Variants in FSTL4 observed in about 807,000 individuals in gnomAD.
FSTL4 encodes follistatin-related protein 4.
FSTL4 carries 28 observed loss-of-function variants against 78.2 expected under a neutral mutation model. That is an observed-to-expected ratio of 0.36 (90% CI 0.27 to 0.49). The LOEUF (loss-of-function observed/expected upper bound fraction) is 0.49. Ranked by LOEUF, FSTL4 falls within the 20% of genes least tolerant of loss-of-function variation. The pLI is 0.98. For synonymous variants in FSTL4, 422 were observed against 440.5 expected (o/e 0.96, Z 0.53); for missense variants, 922 against 1,084.9 (o/e 0.85, Z 2.11).
chr5:133,515,075 G>A (rs1044252664), intron 3 of FSTL4, among the ~76,000 whole-genome samples: 8 of 152,060 alleles, frequency 5.3e-5, no homozygotes, highest in Non-Finnish European at 7.4e-5. Context: ...AAGAATCCCC[G>A]ATAAGCCATG....
chr5:133,569,211 A>T (rs1199559839), intron 2 of FSTL4, among the ~76,000 whole-genome samples: 1 of 152,174 alleles, frequency 6.6e-6, no homozygotes, highest in African/African-American at 2.4e-5. Flanking sequence ...ATTTGCAAAC[A>T]GCAATTATCT....
chr5:133,379,767 T>C (rs1359484374), intron 4 of FSTL4, among the ~76,000 whole-genome samples: 1 of 152,194 alleles, frequency 6.6e-6, no homozygotes, highest in Non-Finnish European at 1.5e-5. Context: ...AACTTGTAGC[T>C]ATTAATGCTT....
At chr5:133,488,498 C>T (rs1160676054) in intron 3 of FSTL4, among the ~76,000 whole-genome samples, 4 of 152,184 alleles carry the variant, frequency 2.6e-5, no homozygotes, top group African/African-American at 9.7e-5. Flanking sequence ...AAGTGATCTG[C>T]CCACCGCGGC....
chr5:133,367,549 G>A (rs919459328), intron 4 of FSTL4, among the ~76,000 whole-genome samples: 3 of 152,202 alleles, frequency 2.0e-5, no homozygotes, highest in Non-Finnish European at 4.4e-5. Context: ...AGGCTTCACT[G>A]CCACAACATG....
intron 3 of FSTL4, among the ~76,000 whole-genome samples, chr5:133,542,909 C>A (rs1055340082): frequency 2.0e-5 from 3 of 151,006 alleles, no homozygotes; most frequent in South Asian, 2.1e-4. Context: ...CTTTGTTGAA[C>A]CTTTCTGTTG....
the FSTL4 span, among the ~76,000 whole-genome samples, chr5:133,678,023 A>G: frequency 3.9e-5 from 6 of 152,356 alleles, no homozygotes; most frequent in South Asian, 4.1e-4. Context: ...GCTAATTAAC[A>G]TATGCATTAT....
At chr5:133,671,720 A>T in the FSTL4 span, among the ~76,000 whole-genome samples, 17 of 152,330 alleles carry the variant, frequency 1.1e-4, no homozygotes, top group East Asian at 1.9e-3. Context: ...AACTTAGAAC[A>T]TTTTAAAAGA....
chr5:133,621,391 C>T, the FSTL4 span, among the ~76,000 whole-genome samples: 2 of 152,180 alleles, frequency 1.3e-5, no homozygotes, highest in Admixed American at 1.3e-4. Flanking sequence ...CAGAGCGAGA[C>T]TCCGTCTCAA....
At chr5:133,224,241 G>A (rs988716825) in intron 10 of FSTL4, 25 bp from the exon 11 acceptor site, 1 of 1,604,076 alleles carries the variant, frequency 6.2e-7, no homozygotes, top group African/African-American at 1.3e-5. Flanking sequence ...AATGAGGAAA[G>A]CAGGAGTGTG....
chr5:133,397,124 C>T (rs1288899138), intron 4 of FSTL4, among the ~76,000 whole-genome samples: 2 of 152,148 alleles, frequency 1.3e-5, no homozygotes, highest in Admixed American at 1.3e-4. Context: ...TCGTGAACAG[C>T]GTAGGAGATA....
rs1224977753 is a variant in FSTL4, at chr5:133,611,984, C to T, written c.-11+341G>A. 2.0e-5 allele frequency among the ~76,000 whole-genome samples: 3 copies of T among 152,008 alleles called. No individual in the cohort carries two copies. Among genetic ancestry groups the T allele is most frequent in the African/African-American group, 7.2e-5 (3 of 41,424 alleles). On this transcript the variant is annotated intron_variant, in intron 1 of 15. Coordinates refer to ENST00000265342, the MANE Select transcript of FSTL4 (RefSeq NM_015082.2). The surrounding 1 kb of genome is among the most constrained non-coding windows in gnomAD (Gnocchi z 4.9). ...TTCGGAGCCGGGCGCGAGCTGCGGG[C>T]TCGGCCCGAGCGCTTCTGCGTGGCG...
chr5:133,652,887 G>T, the FSTL4 span, among the ~76,000 whole-genome samples: 1 of 152,116 alleles, frequency 6.6e-6, no homozygotes, highest in South Asian at 2.1e-4. Context: ...ACCCATCGTG[G>T]TAACAATGGG....
intron 4 of FSTL4, among the ~76,000 whole-genome samples, chr5:133,328,264 G>A (rs551490286): frequency 1.3e-5 from 2 of 152,302 alleles, no homozygotes; most frequent in African/African-American, 4.8e-5. Context: ...ATCTCAATTT[G>A]CACCCCAGCA....
intron 13 of FSTL4, among the ~76,000 whole-genome samples, chr5:133,211,252 C>T (rs1359329915): frequency 6.6e-6 from 1 of 152,184 alleles, no homozygotes; most frequent in East Asian, 1.9e-4. Flanking sequence ...AGCTCAAAAA[C>T]TCTGTTCTAT....
intron 2 of FSTL4, among the ~76,000 whole-genome samples, chr5:133,600,416 G>A (rs970442604): frequency 2.3e-3 from 258 of 109,838 alleles, no homozygotes; most frequent in Non-Finnish European, 4.0e-3. Context: ...ATCTGTGTAG[G>A]ATAAAGGGGG....
intron 3 of FSTL4, among the ~76,000 whole-genome samples, chr5:133,485,227 G>C (rs1342125181): frequency 6.6e-6 from 1 of 152,208 alleles, no homozygotes; most frequent in Non-Finnish European, 1.5e-5. Flanking sequence ...AGGAAAATTT[G>C]TTCTCTTAAG....
At position 133,338,450 on chromosome 5, in the gene FSTL4, T is replaced by C. The variant is rs1754514388; in HGVS notation, c.410-21798A>G. On this transcript the variant is annotated intron_variant, in intron 4 of 15. Coordinates refer to ENST00000265342, the MANE Select transcript of FSTL4 (RefSeq NM_015082.2). This position sits in a 1 kb window ranked among gnomAD's most constrained non-coding sequence, Gnocchi z 4.0. ...CTGCTTCTCCTGCCCCATGCTTTTC[T>C]AGGTTCCCAGAAGCTGTGGTTCTTT... 6.6e-6 allele frequency among the ~76,000 whole-genome samples: 1 copy of C among 152,136 alleles called. No individual in the cohort carries two copies. The highest frequency in any genetic ancestry group is 6.5e-5 in the Admixed American group (1 of 15,286).
intron 13 of FSTL4, among the ~76,000 whole-genome samples, chr5:133,213,613 T>C (rs1302491066): frequency 6.6e-6 from 1 of 152,176 alleles, no homozygotes; most frequent in Non-Finnish European, 1.5e-5. Flanking sequence ...ATAATCACTA[T>C]TATGTTAACA....
intron 6 of FSTL4, among the ~76,000 whole-genome samples, chr5:133,297,299 G>T (rs1753419717): frequency 6.6e-6 from 1 of 152,138 alleles, no homozygotes; most frequent in Non-Finnish European, 1.5e-5. Context: ...GATTAAATCA[G>T]GCACAAAGAT....
Sources: allele counts gnomAD v4.1 joint callset (sites outside exome capture counted in the v4.1 genomes callset), GRCh38; gene constraint gnomAD v4.1.1; non-coding constraint Gnocchi (gnomAD v3.1); transcripts MANE v1.5; gene names NCBI Gene and HGNC (gene_info 2026-07-23, HGNC 2026-07-21).